Variants in DLG2 observed in about 807,000 individuals in gnomAD.
DLG2 encodes disks large homolog 2.
In DLG2, 45 loss-of-function variants were observed where a neutral mutation model predicts 132.5. The ratio of observed to expected loss-of-function variants is 0.34; its 90% CI spans 0.27 to 0.44. The LOEUF (loss-of-function observed/expected upper bound fraction) is 0.44. Ranked by LOEUF, DLG2 falls within the 20% of genes least tolerant of loss-of-function variation. The probability of loss-of-function intolerance (pLI) is 1.00; values close to 1 mark genes in which losing one functional copy is unlikely to be tolerated. For missense variants in DLG2, 1,045 were observed against 1,196.9 expected (o/e 0.87, Z 1.87); for synonymous variants, 424 against 419.6 (o/e 1.01, Z -0.13).
At chr11:84,953,069 T>C (rs1284131913) in intron 6 of DLG2, among the ~76,000 whole-genome samples, 2 of 152,208 alleles carry the variant, frequency 1.3e-5, no homozygotes, top group East Asian at 3.8e-4. Flanking sequence ...TTTTAAAACC[T>C]GGTCCATTAT....
chr11:85,325,227 G>A (rs934810832), intron 3 of DLG2, among the ~76,000 whole-genome samples: 16 of 151,864 alleles, frequency 1.1e-4, no homozygotes, highest in Non-Finnish European at 2.4e-4. Flanking sequence ...GCTTGCTTAG[G>A]TAAACAAAGC....
At chr11:84,355,368 G>T (rs2098604995) in intron 7 of DLG2, among the ~76,000 whole-genome samples, 1 of 152,008 alleles carries the variant, frequency 6.6e-6, no homozygotes, top group South Asian at 2.1e-4. Flanking sequence ...TAGGAAGTGG[G>T]ACCTTTGGGA....
chr11:85,367,561 A>G (rs935831541), intron 3 of DLG2, among the ~76,000 whole-genome samples: 1 of 152,160 alleles, frequency 6.6e-6, no homozygotes, highest in Non-Finnish European at 1.5e-5. Flanking sequence ...CTTAATCAAT[A>G]TTACATGTTC....
chr11:85,567,669 G>A (rs1418703366), intron 3 of DLG2, among the ~76,000 whole-genome samples: 2 of 152,038 alleles, frequency 1.3e-5, no homozygotes, highest in African/African-American at 2.4e-5. Context: ...TGTTTAATAG[G>A]AGTGGCAAGA....
chr11:85,228,189 A>C (rs941163211), intron 4 of DLG2, among the ~76,000 whole-genome samples: 1 of 152,074 alleles, frequency 6.6e-6, no homozygotes, highest in Non-Finnish European at 1.5e-5. Context: ...TAGCTAGTGC[A>C]TAGTAGAAGC....
At chr11:85,123,535 C>T (rs777927325) in intron 5 of DLG2, among the ~76,000 whole-genome samples, 1 of 152,118 alleles carries the variant, frequency 6.6e-6, no homozygotes, top group Admixed American at 6.5e-5. Context: ...CTTTTCTAAC[C>T]ATGACAACTG....
In DLG2 at chr11:83,572,823, T is replaced by G. The variant is rs143586808; in HGVS notation, c.1941-30965A>C. Among the ~76,000 whole-genome samples the G allele has an allele frequency of 7.4e-4, 113 of 152,270 alleles. 4 individuals are homozygous for G. The East Asian group carries it at 0.017, about 23-fold the overall frequency. On this transcript the variant is annotated intron_variant, in intron 19 of 27. Coordinates refer to ENST00000376104, the MANE Select transcript of DLG2 (RefSeq NM_001142699.3). ...TCCTTTCTTACTCTGAATGAACTCC[T>G]TAATTCGTTACAGAGAATAAGTCCA...
intron 6 of DLG2, among the ~76,000 whole-genome samples, chr11:84,798,685 T>C (rs1026139859): frequency 2.6e-5 from 4 of 152,150 alleles, no homozygotes; most frequent in African/African-American, 9.7e-5. Flanking sequence ...GCCAAGCTGG[T>C]CCCTGAGGCC....
chr11:83,484,360 C>T (rs2093358735), intron 21 of DLG2, 132 bp from the exon 22 acceptor site: 1 of 645,196 alleles, frequency 1.5e-6, no homozygotes, highest in Admixed American at 3.0e-5. Context: ...TAAAGTGGTG[C>T]CAGAGAGTTC....
In DLG2 at chr11:85,081,175, G is replaced by A. The variant is rs73523460; in HGVS notation, c.357+30486C>T. On this transcript the variant is annotated intron_variant, in intron 6 of 27. Transcript: ENST00000376104. The stretch of plus-strand genomic sequence containing the variant: ...CTGCAGTGACTTCTTTTCCTTATGC[G>A]GAGCCCATTTATATAACCTGAAAGT... Among the ~76,000 whole-genome samples, 411 of 152,138 alleles carry A rather than the reference G, an allele frequency of 2.7e-3. 2 individuals carry two copies. Among genetic ancestry groups the A allele is most frequent in the African/African-American group, 9.5e-3 (394 of 41,510 alleles).
intron 7 of DLG2, among the ~76,000 whole-genome samples, chr11:84,312,382 G>A (rs2098296835): frequency 6.6e-6 from 1 of 152,300 alleles, no homozygotes; most frequent in South Asian, 2.1e-4. Flanking sequence ...AGGAGACCGA[G>A]GCAGGAGAAT....
At chr11:83,545,783 C>T (rs1352446824) in intron 19 of DLG2, among the ~76,000 whole-genome samples, 3 of 152,012 alleles carry the variant, frequency 2.0e-5, no homozygotes, top group African/African-American at 4.8e-5. Context: ...ACAATCTGCC[C>T]CTCTAGGATT....
intron 9 of DLG2, among the ~76,000 whole-genome samples, chr11:84,133,570 C>T (rs577140882): frequency 4.6e-5 from 7 of 152,020 alleles, no homozygotes; most frequent in Non-Finnish European, 8.8e-5. Flanking sequence ...TTTAAAACTA[C>T]TTCACTATAA....
intron 6 of DLG2, among the ~76,000 whole-genome samples, chr11:84,654,341 C>A (rs745551666): frequency 6.6e-6 from 1 of 152,110 alleles, no homozygotes; most frequent in South Asian, 2.1e-4. Context: ...CCTTTAAATG[C>A]CCTACATCAT....
intron 4 of DLG2, among the ~76,000 whole-genome samples, chr11:85,214,065 G>A (rs1045013832): frequency 1.3e-5 from 2 of 152,036 alleles, no homozygotes; most frequent in Admixed American, 6.6e-5. Flanking sequence ...CCAGGGCTCC[G>A]CTAAACTTCA....
intron 18 of DLG2, among the ~76,000 whole-genome samples, chr11:83,719,468 A>C (rs1207852784): frequency 6.6e-6 from 1 of 152,240 alleles, no homozygotes; most frequent in Non-Finnish European, 1.5e-5. Context: ...CAGGCTGTAC[A>C]AGAAACATGG....
At chr11:85,410,836 A>T (rs1421772792) in intron 3 of DLG2, among the ~76,000 whole-genome samples, 1 of 151,790 alleles carries the variant, frequency 6.6e-6, no homozygotes, top group African/African-American at 2.4e-5. Flanking sequence ...ACATACTTTA[A>T]TGGCAGTGAT....
At chr11:83,831,127 A>G (rs1394992685) in intron 17 of DLG2, among the ~76,000 whole-genome samples, 3 of 152,194 alleles carry the variant, frequency 2.0e-5, no homozygotes, top group Non-Finnish European at 4.4e-5. Flanking sequence ...AATATTGAGG[A>G]TATAAAATCA....
At position 85,566,015 on chromosome 11, in the gene DLG2, AT is replaced by A. The variant is rs200208901; in HGVS notation, c.40+32641del. Among the ~76,000 whole-genome samples, 800 of 152,142 alleles carry A rather than the reference AT, an allele frequency of 5.3e-3. 7 individuals carry two copies. The highest frequency in any genetic ancestry group is 0.018 in the African/African-American group (743 of 41,506). ...TTTACCATGCCTGCCAACAATTATTATTTTCCATTTGTTTTTATCATAGCCA... is the reference window on the plus strand; with the variant it reads ...TTTACCATGCCTGCCAACAATTATTATTTCCATTTGTTTTTATCATAGCCA... On this transcript the variant is annotated intron_variant, in intron 3 of 27. Coordinates refer to ENST00000376104, the MANE Select transcript of DLG2 (RefSeq NM_001142699.3).
Sources: allele counts gnomAD v4.1 joint callset (sites outside exome capture counted in the v4.1 genomes callset), GRCh38; gene constraint gnomAD v4.1.1; transcripts MANE v1.5; gene names NCBI Gene and HGNC (gene_info 2026-07-23, HGNC 2026-07-21).